The following DLL4 variants were observed in gnomAD, a reference collection of about 807,000 sequenced individuals.
The protein encoded by DLL4 is delta like canonical Notch ligand 4, also known as delta-like protein 4.
In DLL4, 7 loss-of-function variants were observed where a neutral mutation model predicts 73.6. That is an observed-to-expected ratio of 0.10 (90% CI 0.05 to 0.18). The LOEUF is 0.18. Ranked by LOEUF, DLL4 falls within the 10% of genes least tolerant of loss-of-function variation. The pLI is 1.00. For missense variants in DLL4, 614 were observed against 929.9 expected (o/e 0.66, Z 4.42); for synonymous variants, 345 against 374.3 (o/e 0.92, Z 0.90).
intron 4 of DLL4, 120 bp from the exon 5 acceptor site, chr15:40,932,051 G>A: frequency 8.3e-7 from 1 of 1,209,010 alleles, no homozygotes; most frequent in African/African-American, 1.5e-5. Context: ...GCTCCTCTGG[G>A]AGGCCAGGAG....
Position 40,938,207 on chromosome 15 carries a change from C to T in DLL4, c.*173C>T. On this transcript the variant is annotated 3_prime_UTR_variant, in exon 11 of 11. Transcript: ENST00000249749. ...TGAACTTGCCAAGAGATGCAATACC[C>T]TTCCACACCTTTGGGTGTCTGTCTG... 1 of 593,310 alleles carries T rather than the reference C, an allele frequency of 1.7e-6. No homozygotes were observed. The highest frequency in any genetic ancestry group is 3.8e-5 in the Admixed American group (1 of 26,464). 36.8% of individuals were successfully genotyped at this position (593,310 alleles called of 1,614,324 possible). A position where few individuals can be genotyped will look rare whatever the true frequency, so the allele number is the denominator to read the frequency against.
rs748516151 is a variant in DLL4 at position 40,937,508 on chromosome 15, A to G, written c.2034A>G (p.Glu678=). The change falls in exon 10 of 11, where the codon GAA becomes GAG. Residue 678 remains glutamate, a synonymous_variant. Coordinates refer to ENST00000249749, the MANE Select transcript of DLL4 (RefSeq NM_019074.4). Reference sequence around the variant, plus strand: ...GTTTGATATCAGAGGAGAGGAATGAATGTGTCATTGCCACGGAGGTGAGTG... The same window carrying G: ...GTTTGATATCAGAGGAGAGGAATGAGTGTGTCATTGCCACGGAGGTGAGTG... The part of the protein sequence containing the change: ...SVCLISEERN[E]CVIATEV 22 of 1,611,590 alleles carry G rather than the reference A, an allele frequency of 1.4e-5. No individual in the cohort carries two copies. The highest frequency in any genetic ancestry group is 6.6e-5 in the South Asian group (6 of 91,046).
Position 40,938,271 on chromosome 15 carries a change from G to T in DLL4, c.*237G>T, listed in dbSNP as rs570941233. On this transcript the variant is annotated 3_prime_UTR_variant, in exon 11 of 11. Coordinates refer to ENST00000249749, the MANE Select transcript of DLL4 (RefSeq NM_019074.4). ...AGCTGCACCAACCAGAGGAACAGAA[G>T]AGAAGAGAGATGCCACTGGGCACTG... The T allele has an allele frequency of 8.6e-5, 36 of 416,774 alleles. No individual in the cohort carries two copies. Among genetic ancestry groups the T allele is most frequent in the Non-Finnish European group, 1.4e-4 (34 of 237,080 alleles). The allele number at this position is 416,774 out of a possible 1,614,324, so 25.8% of individuals were successfully genotyped here.
Position 40,938,137 on chromosome 15 carries a change from G to A in DLL4, c.*103G>A. ...ATGGGACGTTTTTCATATGCAACGT[G>A]CTGCTCTCAGGAGGAGGAGGGAATG... On this transcript the variant is annotated 3_prime_UTR_variant, in exon 11 of 11. Coordinates refer to ENST00000249749, the MANE Select transcript of DLL4 (RefSeq NM_019074.4). 7.7e-7 allele frequency: 1 copy of A among 1,298,964 alleles called. No individual in the cohort carries two copies. The highest frequency in any genetic ancestry group is 1.0e-6 in the Non-Finnish European group (1 of 977,890). 80.5% of individuals were successfully genotyped at this position (1,298,964 alleles called of 1,614,324 possible). A position where few individuals can be genotyped will look rare whatever the true frequency, so the allele number is the denominator to read the frequency against.
chr15:40,933,371 C>T (rs1194932865), intron 6 of DLL4, among the ~76,000 whole-genome samples: 1 of 152,064 alleles, frequency 6.6e-6, no homozygotes, highest in Non-Finnish European at 1.5e-5. Context: ...CCCTCTCCAC[C>T]ATATTTGCTC....
chr15:40,931,558 T>C lies in DLL4; in HGVS notation c.450T>C (p.Ala150=). 6.2e-7 allele frequency: 1 copy of C among 1,611,378 alleles called. No individual in the cohort carries two copies. The highest frequency in any genetic ancestry group is 8.5e-7 in the Non-Finnish European group (1 of 1,178,782). Residue 150 remains alanine (A), a synonymous_variant, in exon 4 of 11, where the codon GCT becomes GCC. Coordinates refer to ENST00000249749, the MANE Select transcript of DLL4 (RefSeq NM_019074.4). ...AGATCGCCATCCAGGGCTCCCTAGC[T>C]GTGGGTCAGAACTGGTTATTGGATG... ...ISKIAIQGSL[A]VGQNWLLDEQ...
chr15:40,935,647 G>T (rs530986721), intron 8 of DLL4, among the ~76,000 whole-genome samples: 307 of 152,350 alleles, frequency 2.0e-3, no homozygotes, highest in Non-Finnish European at 3.4e-3. Context: ...TCAGGAGCTG[G>T]AGAGGGGTGG....
Position 40,934,609 on chromosome 15 carries a change from G to T in DLL4, c.912G>T (p.Gly304=). The T allele has an allele frequency of 1.2e-6, 2 of 1,613,902 alleles. No individual in the cohort carries two copies. The highest frequency in any genetic ancestry group is 1.1e-5 in the South Asian group (1 of 91,074). The change falls in exon 7 of 11, where the codon GGG becomes GGT. Residue 304 remains glycine (G), a synonymous_variant. Transcript: ENST00000249749. ...ATGGGGCAACGTGCTCCAACAGTGGGCAGCGAAGCTACACCTGCACCTGTC... is the reference window on the plus strand; with the variant it reads ...ATGGGGCAACGTGCTCCAACAGTGGTCAGCGAAGCTACACCTGCACCTGTC... ...CKNGATCSNS[G]QRSYTCTCRP...
rs376765668 is a variant in DLL4 at position 40,932,288 on chromosome 15, C to T, written c.720-29C>T. ...GCCCTCCCTTGGCCAAGGCCTCTCA[C>T]CTCACTCTGCCTCTCTCTTGTTCCC... is the stretch of plus-strand genomic sequence containing the variant. On this transcript the variant is annotated intron_variant, in intron 5 of 10. Transcript: ENST00000249749. 3.9e-5 allele frequency: 63 copies of T among 1,613,904 alleles called. No individual in the cohort carries two copies. The African/African-American group carries it at 7.6e-4, about 19-fold the overall frequency.
At position 40,931,540 on chromosome 15, in the gene DLL4, C is replaced by A; in HGVS notation, c.432C>A (p.Ala144=). The part of the protein sequence containing the change: ...LPPDALISKI[A]IQGSLAVGQN... The stretch of plus-strand genomic sequence containing the variant: ...CAGATGCACTCATCAGCAAGATCGC[C>A]ATCCAGGGCTCCCTAGCTGTGGGTC... The change falls in exon 4 of 11, where the codon GCC becomes GCA. Residue 144 remains alanine, a synonymous_variant. Coordinates refer to ENST00000249749, the MANE Select transcript of DLL4 (RefSeq NM_019074.4). 6.2e-7 allele frequency: 1 copy of A among 1,610,214 alleles called. No individual in the cohort carries two copies. The highest frequency in any genetic ancestry group is 1.3e-5 in the African/African-American group (1 of 74,982).
rs1566879601 is a variant in DLL4, at chr15:40,936,494, ACCT to A, written c.1508_1510del (p.Thr503_Phe504delinsIle). 1.2e-6 allele frequency: 2 copies of A among 1,611,568 alleles called. No individual in the cohort carries two copies. Among genetic ancestry groups the A allele is most frequent in the African/African-American group, 2.7e-5 (2 of 74,992 alleles). On this transcript the variant is annotated inframe_deletion, in exon 9 of 11. Coordinates refer to ENST00000249749, the MANE Select transcript of DLL4 (RefSeq NM_019074.4). ...CTGCTACACCGACCTCTCCACAGAC[ACCT>A]TTGTGTGCAACTGCCCTTATGGCTT...
rs375309050 is a variant in DLL4 at position 40,937,542 on chromosome 15, G to A, written c.2052+16G>A. ...TGCCACGGAGGTGAGTGCTGGGCTC[G>A]CCTTTCCTTCTGCCTTTTGTGGGAG... is the stretch of plus-strand genomic sequence containing the variant. On this transcript the variant is annotated intron_variant, in intron 10 of 10. Transcript: ENST00000249749. The A allele has an allele frequency of 3.1e-5, 48 of 1,553,376 alleles. No individual in the cohort carries two copies. Among genetic ancestry groups the A allele is most frequent in the African/African-American group, 5.4e-5 (4 of 73,690 alleles).
rs768550051 is a variant in DLL4, at chr15:40,934,697, C to G, written c.1000C>G (p.Arg334Gly). 6.2e-6 allele frequency: 10 copies of G among 1,613,398 alleles called. No individual in the cohort carries two copies. Among genetic ancestry groups the G allele is most frequent in the Non-Finnish European group, 8.5e-6 (10 of 1,179,726 alleles). Residue 334 changes from arginine to glycine, a missense_variant, in exon 7 of 11, where the codon CGC becomes GGC. Around this residue, in one of 3 missense-constraint regions of DLL4, gnomAD observed 386 missense variants for 541.3 expected, o/e 0.71. Coordinates refer to ENST00000249749, the MANE Select transcript of DLL4 (RefSeq NM_019074.4). ...ELSECDSNPCRNGGSCKDQED... is the reference protein window; with the variant it reads ...ELSECDSNPCGNGGSCKDQED... ...CAGCGAGTGTGACAGCAACCCCTGTCGCAATGGAGGCAGCTGTAAGGTGAG... is the reference window on the plus strand; with the variant it reads ...CAGCGAGTGTGACAGCAACCCCTGTGGCAATGGAGGCAGCTGTAAGGTGAG...
Position 40,930,757 on chromosome 15 carries a change from G to A in DLL4, c.394+75G>A. 6.7e-7 allele frequency: 1 copy of A among 1,488,212 alleles called. No individual in the cohort carries two copies. Among genetic ancestry groups the A allele is most frequent in the Non-Finnish European group, 9.3e-7 (1 of 1,080,528 alleles). 92.2% of individuals were successfully genotyped at this position (1,488,212 alleles called of 1,614,324 possible). On this transcript the variant is annotated intron_variant, in intron 3 of 10. Coordinates refer to ENST00000249749, the MANE Select transcript of DLL4 (RefSeq NM_019074.4). The surrounding 1 kb of genome is among the most constrained non-coding windows in gnomAD (Gnocchi z 5.7). ...AAAGAGTTAATCTGTTCTAGGCGGG[G>A]GAAGTGCGGGCTTGGGGGTGGGAGG...
intron 10 of DLL4, 67 bp downstream of exon 10, chr15:40,937,593 C>A: frequency 8.6e-7 from 1 of 1,162,052 alleles, no homozygotes; most frequent in Non-Finnish European, 1.3e-6. Context: ...CACTCTTGAC[C>A]CATGGGCCAT....
At chr15:40,931,479 T>C (rs1195177810) in intron 3 of DLL4, 24 bp from the exon 4 acceptor site, 8 of 1,598,826 alleles carry the variant, frequency 5.0e-6, no homozygotes, top group Non-Finnish European at 6.8e-6. Context: ...GACCCTTCCC[T>C]GACCCGACCC....
In DLL4 at chr15:40,929,422, A is replaced by G. The variant is rs1212019108; in HGVS notation, c.-247A>G. 1 of 514,486 alleles carries G rather than the reference A, an allele frequency of 1.9e-6. No individual in the cohort carries two copies. Among genetic ancestry groups the G allele is most frequent in the Admixed American group, 3.8e-5 (1 of 26,440 alleles). The allele number at this position is 514,486 out of a possible 1,614,324, so 31.9% of individuals were successfully genotyped here. A position where few individuals can be genotyped will look rare whatever the true frequency, so the allele number is the denominator to read the frequency against. On this transcript the variant is annotated 5_prime_UTR_variant, in exon 1 of 11. Transcript: ENST00000249749. The surrounding 1 kb of genome is among the most constrained non-coding windows in gnomAD (Gnocchi z 7.1). ...CCTTGGTGCAGCGTACACCGGCACT[A>G]GCCCGCTTGCAGCCCCAGGATTAGA... is the stretch of plus-strand genomic sequence containing the variant.
At position 40,929,640 on chromosome 15, in the gene DLL4, C is replaced by G. The variant is rs772922527; in HGVS notation, c.-29C>G. 1.2e-5 allele frequency: 18 copies of G among 1,505,228 alleles called. No individual in the cohort carries two copies. Among genetic ancestry groups the G allele is most frequent in the Non-Finnish European group, 1.4e-5 (16 of 1,136,912 alleles). The allele number at this position is 1,505,228 out of a possible 1,614,324, so 93.2% of individuals were successfully genotyped here. On this transcript the variant is annotated 5_prime_UTR_variant, in exon 1 of 11. Coordinates refer to ENST00000249749, the MANE Select transcript of DLL4 (RefSeq NM_019074.4). The surrounding 1 kb of genome is among the most constrained non-coding windows in gnomAD (Gnocchi z 7.1). ...CGCGAACAGAGCCAGATTGAGGGCC[C>G]GCGGGTGGAGAGAGCGACGCCCGAG...
chr15:40,935,241 GGGCGAAGAGCTTGCTTGAT>G, intron 8 of DLL4, 124 bp downstream of exon 8: 1 of 987,268 alleles, frequency 1.0e-6, no homozygotes, highest in Non-Finnish European at 1.5e-6. Context: ...CTGCTCTGGA[GGGCGAAGAGCTTGCTTGAT>G]CAGCTGGGGG....
Sources: gnomAD v4.1 joint callset for allele counts (sites outside exome capture counted in the v4.1 genomes callset) on GRCh38, gnomAD v4.1.1 for gene constraint, gnomAD v4.1.1 regional missense constraint, Gnocchi (gnomAD v3.1) non-coding constraint, MANE v1.5 for transcripts, NCBI Gene and HGNC (gene_info 2026-07-23, HGNC 2026-07-21) for gene names.